RPTOR: variants seen among roughly 807,000 people sequenced by gnomAD.
RPTOR encodes regulatory-associated protein of mTOR.
In RPTOR, 21 loss-of-function variants were observed where a neutral mutation model predicts 169.9. That is an observed-to-expected ratio of 0.12 (90% CI 0.09 to 0.18). The LOEUF is 0.18. RPTOR is among the 10% of genes least tolerant of loss of function. The pLI, the probability that RPTOR is intolerant of heterozygous loss-of-function variation, is 1.00. For missense variants in RPTOR, 1,133 were observed against 1,855.9 expected (o/e 0.61, Z 7.16); for synonymous variants, 732 against 753.2 (o/e 0.97, Z 0.46).
chr17:80,903,314 C>G (rs2068500139), intron 20 of RPTOR, among the ~76,000 whole-genome samples: 1 of 152,212 alleles, frequency 6.6e-6, no homozygotes, highest in South Asian at 2.1e-4. Flanking sequence ...GTCCTGACCC[C>G]TCTACTTCGT....
At chr17:80,871,183 G>A (rs2068048114) in intron 13 of RPTOR, among the ~76,000 whole-genome samples, 1 of 151,358 alleles carries the variant, frequency 6.6e-6, no homozygotes, top group African/African-American at 2.5e-5. Context: ...TCGGCTCACT[G>A]CAACCTCTGC....
chr17:80,893,113 G>A (rs1286062946), intron 19 of RPTOR, among the ~76,000 whole-genome samples: 2 of 152,260 alleles, frequency 1.3e-5, no homozygotes, highest in African/African-American at 2.4e-5. Flanking sequence ...AAGCGCAGCC[G>A]CAGTTGAGGC....
Position 80,901,743 on chromosome 17 carries a change from A to G in RPTOR, c.2402-7068A>G, listed in dbSNP as rs149086835. Reference sequence around the variant, plus strand: ...CAACCTGGAGAGTCCATGTCTCCCCATCTTTCCTGGTGCCCCAGAAGCCCT... The same window carrying G: ...CAACCTGGAGAGTCCATGTCTCCCCGTCTTTCCTGGTGCCCCAGAAGCCCT... On this transcript the variant is annotated intron_variant, in intron 20 of 33. Coordinates refer to ENST00000306801, the MANE Select transcript of RPTOR (RefSeq NM_020761.3). Among the ~76,000 whole-genome samples, 767 of 152,170 alleles carry G rather than the reference A, an allele frequency of 5.0e-3. 7 individuals are homozygous for G. Among genetic ancestry groups the G allele is most frequent in the African/African-American group, 0.018 (729 of 41,508 alleles).
At chr17:80,835,152 C>T (rs932369444) in intron 9 of RPTOR, among the ~76,000 whole-genome samples, 1 of 152,104 alleles carries the variant, frequency 6.6e-6, no homozygotes, top group Non-Finnish European at 1.5e-5. Flanking sequence ...AGGGGAAGGG[C>T]ATGTTTGTGC....
At chr17:80,951,373 G>A (rs971619234) in intron 28 of RPTOR, among the ~76,000 whole-genome samples, 10 of 152,212 alleles carry the variant, frequency 6.6e-5, no homozygotes, top group South Asian at 4.1e-4. Context: ...CGGCCTTCTC[G>A]GCCCAGACCC....
At chr17:80,833,216 C>T (rs1334228294) in intron 9 of RPTOR, among the ~76,000 whole-genome samples, 1 of 152,222 alleles carries the variant, frequency 6.6e-6, no homozygotes, top group Non-Finnish European at 1.5e-5. Flanking sequence ...AGGGCTGTTT[C>T]CTGAAAACCC....
At chr17:80,596,703 C>T (rs1293343052) in intron 1 of RPTOR, among the ~76,000 whole-genome samples, 5 of 152,136 alleles carry the variant, frequency 3.3e-5, no homozygotes, top group African/African-American at 7.2e-5. Context: ...TTGATGATGT[C>T]AATATCTCAT....
intron 24 of RPTOR, among the ~76,000 whole-genome samples, chr17:80,939,433 A>G (rs1567998913): frequency 6.6e-6 from 1 of 152,272 alleles, no homozygotes; most frequent in Non-Finnish European, 1.5e-5. Flanking sequence ...ACCTTTGCTC[A>G]GGGAAGAGAG....
chr17:80,842,759 C>G (rs1174186489), intron 10 of RPTOR, among the ~76,000 whole-genome samples: 1 of 152,224 alleles, frequency 6.6e-6, no homozygotes, highest in Non-Finnish European at 1.5e-5. Context: ...ACGCTACGCT[C>G]TTTGTCAGCT....
intron 3 of RPTOR, among the ~76,000 whole-genome samples, chr17:80,677,648 G>A (rs2065869984): frequency 6.6e-6 from 1 of 152,098 alleles, no homozygotes; most frequent in Non-Finnish European, 1.5e-5. Flanking sequence ...CGTTTGCTGG[G>A]CAGTTTTCTC....
intron 7 of RPTOR, among the ~76,000 whole-genome samples, chr17:80,812,376 G>A (rs1292507236): frequency 2.0e-5 from 3 of 151,820 alleles, no homozygotes; most frequent in Non-Finnish European, 4.4e-5. Flanking sequence ...AATTGAAAAC[G>A]GAAATTGTAC....
At chr17:80,900,560 C>T (rs1323735831) in intron 20 of RPTOR, among the ~76,000 whole-genome samples, 2 of 152,352 alleles carry the variant, frequency 1.3e-5, no homozygotes, top group Admixed American at 6.5e-5. Flanking sequence ...GGGTGATCTG[C>T]GCGCCTCAGC....
intron 5 of RPTOR, among the ~76,000 whole-genome samples, chr17:80,742,004 G>A (rs779045614): frequency 1.3e-5 from 2 of 152,136 alleles, no homozygotes; most frequent in South Asian, 2.1e-4. Flanking sequence ...GCTGTTGAGC[G>A]GCTCACACGA....
chr17:80,833,944 G>A (rs746050970), intron 9 of RPTOR, among the ~76,000 whole-genome samples: 3 of 152,240 alleles, frequency 2.0e-5, no homozygotes, highest in Admixed American at 6.5e-5. Context: ...AGCCAAGATC[G>A]CACCACTGCG....
At chr17:80,944,330 CAG>C (rs2069071720) in intron 25 of RPTOR, among the ~76,000 whole-genome samples, 2 of 152,242 alleles carry the variant, frequency 1.3e-5, no homozygotes. Context: ...TGTTACGAAT[CAG>C]AGCCCTACCG....
chr17:80,668,707 C>T (rs2065799512), intron 3 of RPTOR, among the ~76,000 whole-genome samples: 1 of 152,216 alleles, frequency 6.6e-6, no homozygotes, highest in South Asian at 2.1e-4. Flanking sequence ...ACCTGGCAGT[C>T]ATTATTCCTC....
At chr17:80,933,229 T>C (rs995152198) in intron 24 of RPTOR, among the ~76,000 whole-genome samples, 4 of 152,124 alleles carry the variant, frequency 2.6e-5, no homozygotes, top group African/African-American at 9.7e-5. Flanking sequence ...ATATTGAAAA[T>C]CATTCAAAAT....
rs1442595924 is a variant in RPTOR at position 80,707,798 on chromosome 17, C to T, written c.349-43C>T. 4 of 1,592,108 alleles carry T rather than the reference C, an allele frequency of 2.5e-6. No homozygotes were observed. In the Admixed American group the frequency reaches 5.1e-5, roughly 20 times the overall value. ...GTAGGGGATGAGTTCCAAGCATTCCCTGGAGTCCGTGGTAAATTTCTTCAT... is the reference window on the plus strand; with the variant it reads ...GTAGGGGATGAGTTCCAAGCATTCCTTGGAGTCCGTGGTAAATTTCTTCAT... On this transcript the variant is annotated intron_variant, in intron 3 of 33. Transcript: ENST00000306801. This position sits in a 1 kb window ranked among gnomAD's most constrained non-coding sequence, Gnocchi z 5.0.
intron 7 of RPTOR, among the ~76,000 whole-genome samples, chr17:80,812,968 G>C (rs1312127712): frequency 1.3e-5 from 2 of 152,244 alleles, no homozygotes; most frequent in Admixed American, 1.3e-4. Context: ...TCCATGTCCA[G>C]CTGGGACTCT....
Sources: gnomAD v4.1 joint callset for allele counts (sites outside exome capture counted in the v4.1 genomes callset) on GRCh38, gnomAD v4.1.1 for gene constraint, Gnocchi (gnomAD v3.1) non-coding constraint, MANE v1.5 for transcripts, NCBI Gene and HGNC (gene_info 2026-07-23, HGNC 2026-07-21) for gene names.